The following NTF3 variants were observed in gnomAD, a reference collection of about 807,000 sequenced individuals.
NTF3 encodes neurotrophin 3, also known as neurotrophin-3.
In NTF3, 8 loss-of-function variants were observed where a neutral mutation model predicts 26.3. The observed-to-expected ratio is 0.30, with a 90% CI of 0.18 to 0.55. The LOEUF is 0.55. Among genes scored for constraint, NTF3 ranks in the 20% least tolerant of loss-of-function variants. The pLI is 0.93. For missense variants in NTF3, 276 were observed against 352.9 expected (o/e 0.78, Z 1.75); for synonymous variants, 154 against 145.5 (o/e 1.06, Z -0.42).
chr12:5,432,166 G>A lies in NTF3; in HGVS notation c.-159G>A. ...GCTCCGCGCACCGCCCCGCGACGCA[G>A]CCCGGCGCAACTACTTTCTTCTCTC... On this transcript the variant is annotated 5_prime_UTR_variant, in exon 1 of 2. Coordinates refer to ENST00000423158, the MANE Select transcript of NTF3 (RefSeq NM_001102654.2). The A allele has an allele frequency of 1.2e-6, 1 of 823,196 alleles. No individual in the cohort carries two copies. Among genetic ancestry groups the A allele is most frequent in the Non-Finnish European group, 2.0e-6 (1 of 492,950 alleles). The allele number at this position is 823,196 out of a possible 1,614,324, so 51.0% of individuals were successfully genotyped here.
upstream of NTF3, among the ~76,000 whole-genome samples, chr12:5,431,029 C>G (rs2121122953): frequency 6.6e-6 from 1 of 152,232 alleles, no homozygotes; most frequent in African/African-American, 2.4e-5. Context: ...ATCAAGATGA[C>G]TTAACTTGGT....
intron 1 of NTF3, among the ~76,000 whole-genome samples, chr12:5,458,287 C>T (rs566376512): frequency 1.3e-5 from 2 of 152,322 alleles, no homozygotes; most frequent in East Asian, 1.9e-4. Context: ...GCAGTGGCCA[C>T]TTGAGCATGA....
chr12:5,486,439 G>A (rs1310041832), intron 1 of NTF3, among the ~76,000 whole-genome samples: 2 of 152,118 alleles, frequency 1.3e-5, no homozygotes, highest in Non-Finnish European at 2.9e-5. Flanking sequence ...GGGTGGATAA[G>A]ATAAATACTT....
At chr12:5,449,096 G>A (rs1312639616) in intron 1 of NTF3, among the ~76,000 whole-genome samples, 1 of 152,202 alleles carries the variant, frequency 6.6e-6, no homozygotes, top group African/African-American at 2.4e-5. Context: ...AACACACAGA[G>A]GGTACCTGGA....
intron 1 of NTF3, among the ~76,000 whole-genome samples, chr12:5,493,718 T>C (rs1055112520): frequency 2.6e-5 from 4 of 152,146 alleles, no homozygotes; most frequent in Non-Finnish European, 5.9e-5. Context: ...CCTCAGTGTG[T>C]TCCAGGGGCT....
At chr12:5,491,969 C>T (rs546877221) in intron 1 of NTF3, among the ~76,000 whole-genome samples, 1 of 152,206 alleles carries the variant, frequency 6.6e-6, no homozygotes, top group East Asian at 1.9e-4. Flanking sequence ...CCACCTCGGC[C>T]TCCCAAAGTG....
At chr12:5,491,266 G>A (rs544090968) in intron 1 of NTF3, among the ~76,000 whole-genome samples, 1 of 152,222 alleles carries the variant, frequency 6.6e-6, no homozygotes, top group South Asian at 2.1e-4. Flanking sequence ...AACATTCTTG[G>A]ACTTGCTCTC....
At position 5,494,179 on chromosome 12, in the gene NTF3, G is replaced by A; in HGVS notation, c.19-15G>A. ...CTGCCAGAGCCTGCTCTTAACACCT[G>A]TGTTTCCTTTTCAGATCTTACAGGT... On this transcript the variant is annotated splice_polypyrimidine_tract_variant and intron_variant, in intron 1 of 1. Coordinates refer to ENST00000423158, the MANE Select transcript of NTF3 (RefSeq NM_001102654.2). This position sits in a 1 kb window ranked among gnomAD's most constrained non-coding sequence, Gnocchi z 8.3. 1 of 1,609,306 alleles carries A rather than the reference G, an allele frequency of 6.2e-7. No individual in the cohort carries two copies.
intron 1 of NTF3, among the ~76,000 whole-genome samples, chr12:5,459,426 TG>T (rs1940496826): frequency 6.6e-6 from 1 of 152,228 alleles, no homozygotes; most frequent in Non-Finnish European, 1.5e-5. Flanking sequence ...ATGTTGCCAT[TG>T]CTCCCCTGCT....
chr12:5,445,288 ATGTGTGTGTGTATGTGTGTG>A (rs1211692218), intron 1 of NTF3, among the ~76,000 whole-genome samples: 16 of 101,452 alleles, frequency 1.6e-4, no homozygotes, highest in South Asian at 1.1e-3. Context: ...GGATTAAATG[ATGTGTGTGTGTATGTGTGTG>A]TGTGTGTGTG....
At chr12:5,461,031 A>G (rs1239677150) in intron 1 of NTF3, among the ~76,000 whole-genome samples, 1 of 152,144 alleles carries the variant, frequency 6.6e-6, no homozygotes, top group Non-Finnish European at 1.5e-5. Flanking sequence ...TTGACTTTCT[A>G]ACCACTTGGA....
intron 1 of NTF3, among the ~76,000 whole-genome samples, chr12:5,481,744 CCA>C (rs1168036301): frequency 6.6e-6 from 1 of 151,022 alleles, no homozygotes; most frequent in Non-Finnish European, 1.5e-5. Flanking sequence ...CAGAATAACA[CCA>C]CACACATATG....
chr12:5,452,701 AAAGGCAC>A (rs1254719294), intron 1 of NTF3, among the ~76,000 whole-genome samples: 1 of 152,184 alleles, frequency 6.6e-6, no homozygotes, highest in Non-Finnish European at 1.5e-5. Context: ...AGGATAGCGG[AAAGGCAC>A]ACTGGCTGGC....
chr12:5,486,280 C>T (rs1940864985), intron 1 of NTF3, among the ~76,000 whole-genome samples: 1 of 152,176 alleles, frequency 6.6e-6, no homozygotes, highest in Non-Finnish European at 1.5e-5. Context: ...AAAGGTTTGG[C>T]CATTGCCAAG....
In NTF3 at chr12:5,495,137, A is replaced by G. The variant is rs531823403; in HGVS notation, c.*149A>G. 3 of 875,424 alleles carry G rather than the reference A, an allele frequency of 3.4e-6. No individual in the cohort carries two copies. Among genetic ancestry groups the G allele is most frequent in the African/African-American group, 1.7e-5 (1 of 58,858 alleles). 54.2% of individuals were successfully genotyped at this position (875,424 alleles called of 1,614,324 possible). A position where few individuals can be genotyped will look rare whatever the true frequency, so the allele number is the denominator to read the frequency against. On this transcript the variant is annotated 3_prime_UTR_variant, in exon 2 of 2. Transcript: ENST00000423158. ...CTACAGTATATAAGCTTTTTTCTCA[A>G]TAAAATCAGTGTGCTTGCCTTCCCT...
At chr12:5,485,580 T>C (rs1017955467) in intron 1 of NTF3, among the ~76,000 whole-genome samples, 1 of 152,186 alleles carries the variant, frequency 6.6e-6, no homozygotes, top group Non-Finnish European at 1.5e-5. Context: ...ATGGGGAGGC[T>C]CAATAAATGT....
At chr12:5,454,142 C>T (rs1220962520) in intron 1 of NTF3, among the ~76,000 whole-genome samples, 3 of 152,302 alleles carry the variant, frequency 2.0e-5, no homozygotes, top group East Asian at 1.9e-4. Context: ...ATCAAGGTTG[C>T]GGTCAGGGCC....
At chr12:5,493,546 G>C (rs577704357) in intron 1 of NTF3, among the ~76,000 whole-genome samples, 1 of 152,268 alleles carries the variant, frequency 6.6e-6, no homozygotes, top group South Asian at 2.1e-4. Context: ...GTATCAGAAA[G>C]CTCGGCAGAG....
chr12:5,463,502 C>T (rs925084531), intron 1 of NTF3, among the ~76,000 whole-genome samples: 4 of 152,060 alleles, frequency 2.6e-5, no homozygotes, highest in African/African-American at 9.7e-5. Context: ...ATCAGTCCTG[C>T]AGCAGGGTTA....
Sources: gnomAD v4.1 joint callset for allele counts (sites outside exome capture counted in the v4.1 genomes callset) on GRCh38, gnomAD v4.1.1 for gene constraint, Gnocchi (gnomAD v3.1) non-coding constraint, MANE v1.5 for transcripts, NCBI Gene and HGNC (gene_info 2026-07-23, HGNC 2026-07-21) for gene names.